The following ELP4 variants were observed in gnomAD, a reference collection of about 807,000 sequenced individuals.
ELP4 encodes the protein elongator complex protein 4.
In ELP4, 51 loss-of-function variants were observed where a neutral mutation model predicts 48.9. That is an observed-to-expected ratio of 1.04 (90% confidence interval 0.83 to 1.32). The LOEUF (loss-of-function observed/expected upper bound fraction) is 1.32, where lower values mean the gene tolerates loss of function less well. Ranked by LOEUF, ELP4 falls within the 40% of genes most tolerant of loss-of-function variation. The pLI, the probability that ELP4 is intolerant of heterozygous loss-of-function variation, is 0.00. For missense variants in ELP4, 519 were observed against 514.6 expected, an observed-to-expected ratio of 1.01 and a Z score of -0.08; for synonymous variants, 210 against 189.2, an observed-to-expected ratio of 1.11 and a Z score of -0.90.
chr11:31,702,985 C>G (rs1215328576), intron 9 of ELP4, among the ~76,000 whole-genome samples: 3 of 152,150 alleles, frequency 2.0e-5, no homozygotes, highest in Non-Finnish European at 4.4e-5. Context: ...ATTATAGCTG[C>G]TAGCACTTTT....
At chr11:31,673,314 G>T (rs1242838038) in intron 9 of ELP4, among the ~76,000 whole-genome samples, 1 of 150,512 alleles carries the variant, frequency 6.6e-6, no homozygotes, top group Non-Finnish European at 1.5e-5. Flanking sequence ...TTAGTGGGTT[G>T]TTTTTTGTTT....
At chr11:31,605,914 C>A (rs1399984320) in intron 5 of ELP4, among the ~76,000 whole-genome samples, 1 of 151,858 alleles carries the variant, frequency 6.6e-6, no homozygotes, top group East Asian at 1.9e-4. Context: ...CACCCAAACT[C>A]AAGTTTCTAA....
Position 31,535,612 on chromosome 11 carries a change from TG to T in ELP4, c.260-4049del, listed in dbSNP as rs555176190. Among the ~76,000 whole-genome samples the T allele has an allele frequency of 2.6e-5, 4 of 152,296 alleles. 1 individual carries two copies. In the South Asian group the frequency reaches 8.3e-4, roughly 32 times the overall value. ...CCTGCCATCTTGGCCTCCCAAAGCA[TG>T]AGGATTACAGAAGCGAGTGACTGTG... On this transcript the variant is annotated intron_variant, in intron 2 of 9. Transcript: ENST00000640961.
chr11:31,659,298 G>A (rs182436274), intron 9 of ELP4, among the ~76,000 whole-genome samples: 9 of 152,132 alleles, frequency 5.9e-5, no homozygotes, highest in East Asian at 3.9e-4. Flanking sequence ...ATCTGGTATC[G>A]TGAAATTCAC....
intron 9 of ELP4, chr11:31,652,503 A>G (rs563477592): frequency 1.1e-4 from 17 of 151,848 alleles, no homozygotes; most frequent in Non-Finnish European, 1.9e-4. Context: ...ATGCCCTGAA[A>G]GTAACTAGTT....
intron 9 of ELP4, among the ~76,000 whole-genome samples, chr11:31,760,452 C>A (rs868854515): frequency 1.3e-5 from 2 of 152,156 alleles, no homozygotes; most frequent in African/African-American, 4.8e-5. Flanking sequence ...CTGATTTTAT[C>A]TTTCTTGCTT....
intron 2 of ELP4, among the ~76,000 whole-genome samples, chr11:31,521,095 T>G (rs1325210030): frequency 6.6e-6 from 1 of 151,968 alleles, no homozygotes; most frequent in Admixed American, 6.6e-5. Flanking sequence ...TCCCCAAGAG[T>G]GAGTAAAATA....
At chr11:31,545,013 C>G (rs1316293254) in intron 3 of ELP4, among the ~76,000 whole-genome samples, 1 of 152,110 alleles carries the variant, frequency 6.6e-6, no homozygotes, top group East Asian at 1.9e-4. Context: ...ACATCACAAT[C>G]ATCAAAGACC....
chr11:31,675,203 T>C (rs906182062), intron 9 of ELP4, among the ~76,000 whole-genome samples: 1 of 151,944 alleles, frequency 6.6e-6, no homozygotes, highest in Non-Finnish European at 1.5e-5. Flanking sequence ...GCAGATTGAA[T>C]GGGCAGAATT....
chr11:31,604,149 A>T (rs1332801357), intron 5 of ELP4, among the ~76,000 whole-genome samples: 3 of 151,744 alleles, frequency 2.0e-5, no homozygotes. Context: ...GCAACTTGAA[A>T]AATCAGGACA....
intron 3 of ELP4, among the ~76,000 whole-genome samples, chr11:31,569,713 G>T (rs1469780113): frequency 3.3e-5 from 5 of 152,108 alleles, no homozygotes; most frequent in Non-Finnish European, 7.4e-5. Flanking sequence ...GTGACAGAGT[G>T]AGACTCTGTC....
intron 9 of ELP4, chr11:31,653,421 C>T (rs1945363477): frequency 6.6e-6 from 1 of 151,734 alleles, no homozygotes; most frequent in Non-Finnish European, 1.5e-5. Context: ...ATTTACCTAA[C>T]CTTGCCTAAC....
intron 9 of ELP4, among the ~76,000 whole-genome samples, chr11:31,686,204 T>G (rs1946156528): frequency 6.6e-6 from 1 of 151,946 alleles, no homozygotes; most frequent in Non-Finnish European, 1.5e-5. Context: ...ACAATTAAGG[T>G]TATCACCTTC....
In ELP4 at chr11:31,546,785, C is replaced by T. The variant is rs1424013798; in HGVS notation, c.381+7002C>T. 2.0e-5 allele frequency among the ~76,000 whole-genome samples: 3 copies of T among 152,118 alleles called. No homozygotes were observed. The South Asian group carries it at 6.2e-4, about 32-fold the overall frequency. ...AAGAACAGAAATTATAACAAACTGT[C>T]TCTCAGACCACAGTGCAATCAAACT... On this transcript the variant is annotated intron_variant, in intron 3 of 9. Transcript: ENST00000640961.
At chr11:31,552,668 C>T (rs1956871808) in intron 3 of ELP4, among the ~76,000 whole-genome samples, 1 of 152,088 alleles carries the variant, frequency 6.6e-6, no homozygotes, top group Admixed American at 6.6e-5. Flanking sequence ...ATTGCTTGGC[C>T]TCCCTGTTTC....
intron 3 of ELP4, among the ~76,000 whole-genome samples, chr11:31,565,848 C>CA (rs564308722): frequency 2.6e-5 from 4 of 152,062 alleles, no homozygotes; most frequent in Admixed American, 6.6e-5. Flanking sequence ...ATTGTCTTGG[C>CA]AAAGTAGGCT....
At chr11:31,598,274 A>G (rs369238576) in intron 4 of ELP4, among the ~76,000 whole-genome samples, 24 of 152,084 alleles carry the variant, frequency 1.6e-4, no homozygotes, top group African/African-American at 5.5e-4. Context: ...TTTATTGCTT[A>G]TTATGAAAGC....
At position 31,790,111 on chromosome 11, in the gene ELP4, A is replaced by AAAC; in HGVS notation, c.*6589_*6590insCAA. 1.2e-6 allele frequency: 1 copy of AAAC among 802,490 alleles called. No homozygotes were observed. The highest frequency in any genetic ancestry group is 2.0e-6 in the Non-Finnish European group (1 of 498,164). 49.7% of individuals were successfully genotyped at this position (802,490 alleles called of 1,614,324 possible). A position where few individuals can be genotyped will look rare whatever the true frequency, so the allele number is the denominator to read the frequency against. ...TTATAGGTTTACAAAAAAAAAAAAA[A>AAAC]AAAAAAAAACTAATACTTTCTAACA... On this transcript the variant is annotated 3_prime_UTR_variant, in exon 10 of 10. Coordinates refer to ENST00000640961, the MANE Select transcript of ELP4 (RefSeq NM_019040.5).
chr11:31,681,960 C>T (rs1247148828), intron 9 of ELP4: 12 of 709,824 alleles, frequency 1.7e-5, no homozygotes, highest in Non-Finnish European at 2.5e-5. Flanking sequence ...AGGCTGGTCT[C>T]GAACTCCTGA....
Sources: gnomAD v4.1 joint callset for allele counts (sites outside exome capture counted in the v4.1 genomes callset) on GRCh38, gnomAD v4.1.1 for gene constraint, MANE v1.5 for transcripts, NCBI Gene and HGNC (gene_info 2026-07-23, HGNC 2026-07-21) for gene names.